ATP10B: variants seen among roughly 807,000 people sequenced by gnomAD.
ATP10B encodes the protein phospholipid-transporting ATPase VB.
In ATP10B, 122 loss-of-function variants were observed where a neutral mutation model predicts 141.2. The ratio of observed to expected loss-of-function variants is 0.86; its 90% CI spans 0.75 to 1.00. The LOEUF is 1.00. ATP10B is among the 50% of genes least tolerant of loss of function. The pLI is 0.00. For synonymous variants in ATP10B, 685 were observed against 692.0 expected, an observed-to-expected ratio of 0.99 and a Z score of 0.16; for missense variants, 1,876 against 1,825.3, an observed-to-expected ratio of 1.03 and a Z score of -0.51.
intron 13 of ATP10B, among the ~76,000 whole-genome samples, chr5:160,624,265 C>T (rs573069725): frequency 1.8e-4 from 27 of 152,318 alleles, no homozygotes; most frequent in Non-Finnish European, 3.5e-4. Flanking sequence ...AATGCAATGA[C>T]TCCCAGAGGT....
intron 1 of ATP10B, among the ~76,000 whole-genome samples, chr5:160,788,564 T>C (rs1771338528): frequency 6.6e-6 from 1 of 152,168 alleles, no homozygotes; most frequent in Non-Finnish European, 1.5e-5. Context: ...TTTCCTGTTC[T>C]AAAAAGGCCC....
intron 1 of ATP10B, among the ~76,000 whole-genome samples, chr5:160,819,740 C>T (rs543240168): frequency 5.6e-4 from 85 of 152,016 alleles, no homozygotes; most frequent in Non-Finnish European, 1.1e-3. Context: ...TTTATGCAAA[C>T]AATGTTAAGT....
chr5:160,701,415 A>G (rs1022403377), intron 3 of ATP10B, among the ~76,000 whole-genome samples: 17 of 151,970 alleles, frequency 1.1e-4, no homozygotes, highest in African/African-American at 4.1e-4. Context: ...GCTGTAACCC[A>G]CTTCCCATGC....
intron 25 of ATP10B, among the ~76,000 whole-genome samples, chr5:160,567,182 C>T (rs535989514): frequency 6.6e-6 from 1 of 152,192 alleles, no homozygotes; most frequent in South Asian, 2.1e-4. Flanking sequence ...TTCAATTTCC[C>T]ACAATGGGCC....
rs1032713873 is a variant in ATP10B at position 160,852,003 on chromosome 5, G to A, written c.-638C>T. Reference sequence around the variant, plus strand: ...TAGAAGAAAACAGTGCTTGAAAGTGGCGGTATTTCTCTCGCACACCTTGGC... The same window carrying A: ...TAGAAGAAAACAGTGCTTGAAAGTGACGGTATTTCTCTCGCACACCTTGGC... On this transcript the variant is annotated 5_prime_UTR_variant, in exon 1 of 26. Transcript: ENST00000327245. 1 of 152,128 alleles carries A rather than the reference G, an allele frequency of 6.6e-6. No homozygotes were observed. The highest frequency in any genetic ancestry group is 2.4e-5 in the African/African-American group (1 of 41,422). 9.4% of individuals were successfully genotyped at this position (152,128 alleles called of 1,614,324 possible).
At position 160,823,918 on chromosome 5, in the gene ATP10B, G is replaced by T. The variant is rs1774373681; in HGVS notation, c.-576+28023C>A. Among the ~76,000 whole-genome samples the T allele has an allele frequency of 2.0e-5, 3 of 152,122 alleles. No homozygotes were observed. In the South Asian group the frequency reaches 6.2e-4, roughly 32 times the overall value. The stretch of plus-strand genomic sequence containing the variant: ...ACCCACAAAAATTAAAAATTAAAAT[G>T]AAAAGCCCCAAAACCCCAATAAGTG... On this transcript the variant is annotated intron_variant, in intron 1 of 25. Transcript: ENST00000327245.
chr5:160,623,023 C>G (rs755836167), intron 13 of ATP10B, among the ~76,000 whole-genome samples: 2 of 152,154 alleles, frequency 1.3e-5, no homozygotes, highest in Non-Finnish European at 1.5e-5. Flanking sequence ...CCATTGTTAG[C>G]GTGATCAATT....
chr5:160,859,070 G>T, the ATP10B span, among the ~76,000 whole-genome samples: 1 of 151,710 alleles, frequency 6.6e-6, no homozygotes, highest in Non-Finnish European at 1.5e-5. Flanking sequence ...TTTGTTTAGA[G>T]AACTTCTCTT....
At chr5:160,726,768 C>T (rs936805894) in intron 2 of ATP10B, among the ~76,000 whole-genome samples, 5 of 151,408 alleles carry the variant, frequency 3.3e-5, no homozygotes, top group Middle Eastern at 6.8e-3. Flanking sequence ...TATCTTGGGC[C>T]CTTTCAAGCT....
At chr5:160,841,009 A>G (rs908287517) in intron 1 of ATP10B, among the ~76,000 whole-genome samples, 1 of 152,150 alleles carries the variant, frequency 6.6e-6, no homozygotes, top group Non-Finnish European at 1.5e-5. Flanking sequence ...GTTGGAATGC[A>G]AAATCCTTAC....
intron 2 of ATP10B, among the ~76,000 whole-genome samples, chr5:160,779,654 C>T (rs4921160): frequency 0.45 from 67,795 of 151,936 alleles, 15,363 homozygotes; most frequent in East Asian, 0.59. Context: ...ATTGTGTCCT[C>T]GTAGGAAACC....
chr5:160,889,259 C>T, the ATP10B span, among the ~76,000 whole-genome samples: 36 of 152,256 alleles, frequency 2.4e-4, no homozygotes, highest in South Asian at 2.3e-3. Flanking sequence ...CTTTGACATA[C>T]GAGGGTTTAA....
At chr5:160,765,601 A>C (rs7721247) in intron 2 of ATP10B, among the ~76,000 whole-genome samples, 39,487 of 152,072 alleles carry the variant, frequency 0.26, 6,183 homozygotes, top group East Asian at 0.42. Context: ...ACTTGAAACC[A>C]TAAAAATTCT....
intron 1 of ATP10B, among the ~76,000 whole-genome samples, chr5:160,821,225 C>A (rs1382063281): frequency 6.6e-6 from 1 of 151,764 alleles, no homozygotes; most frequent in Non-Finnish European, 1.5e-5. Flanking sequence ...CAACAGTGAA[C>A]AATCTGAAAA....
intron 13 of ATP10B, among the ~76,000 whole-genome samples, chr5:160,623,974 T>A (rs2127652873): frequency 6.6e-6 from 1 of 152,360 alleles, no homozygotes; most frequent in African/African-American, 2.4e-5. Flanking sequence ...ACAGCTTTTT[T>A]GAAGCAGAAG....
chr5:160,868,331 A>G, the ATP10B span, among the ~76,000 whole-genome samples: 2 of 151,796 alleles, frequency 1.3e-5, no homozygotes, highest in African/African-American at 4.8e-5. Context: ...CATCCCTTTG[A>G]TTCTTTCTCT....
intron 2 of ATP10B, among the ~76,000 whole-genome samples, chr5:160,782,793 T>C (rs1209554104): frequency 6.7e-6 from 1 of 149,240 alleles, no homozygotes; most frequent in Non-Finnish European, 1.5e-5. Flanking sequence ...GACATGTACA[T>C]ACACACACAC....
chr5:160,825,348 C>T (rs1474817242), intron 1 of ATP10B, among the ~76,000 whole-genome samples: 2 of 152,126 alleles, frequency 1.3e-5, no homozygotes, highest in African/African-American at 2.4e-5. Flanking sequence ...GGGCAGTTTC[C>T]CCCATACTGT....
intron 21 of ATP10B, among the ~76,000 whole-genome samples, chr5:160,599,796 T>C (rs926454168): frequency 1.3e-5 from 2 of 152,208 alleles, no homozygotes; most frequent in African/African-American, 4.8e-5. Context: ...GTCTACCATA[T>C]TGCGATATGG....
Sources: allele counts gnomAD v4.1 joint callset (sites outside exome capture counted in the v4.1 genomes callset), GRCh38; gene constraint gnomAD v4.1.1; transcripts MANE v1.5; gene names NCBI Gene and HGNC (gene_info 2026-07-23, HGNC 2026-07-21).